Variants in WNT8B observed in about 807,000 individuals in gnomAD.
WNT8B encodes Wnt family member 8B, also known as protein Wnt-8b.
Under a neutral mutation model 36.6 loss-of-function variants are expected in WNT8B, and 24 were observed. The observed-to-expected ratio is 0.66, with a 90% confidence interval of 0.48 to 0.92. The LOEUF (loss-of-function observed/expected upper bound fraction) is 0.92. WNT8B is among the 40% of genes least tolerant of loss of function. WNT8B has a pLI of 0.00. For missense variants in WNT8B, 402 were observed against 470.8 expected (o/e 0.85, Z 1.35); for synonymous variants, 199 against 189.8 (o/e 1.05, Z -0.40).
intron 1 of WNT8B, among the ~76,000 whole-genome samples, chr10:100,477,784 G>GTTTTTTTTTTGT (rs1851057530): frequency 7.0e-6 from 1 of 143,126 alleles, no homozygotes; most frequent in African/African-American, 2.6e-5. Flanking sequence ...GTTTTTTTTT[G>GTTTTTTTTTTGT]TTTTTTTTTT....
chr10:100,481,730 G>A (rs1851114584), intron 4 of WNT8B, among the ~76,000 whole-genome samples, 182 bp from the exon 5 acceptor site: 1 of 152,192 alleles, frequency 6.6e-6, no homozygotes, highest in African/African-American at 2.4e-5. Context: ...GAACCTGGAA[G>A]TGGGCGTGTA....
intron 1 of WNT8B, among the ~76,000 whole-genome samples, chr10:100,467,947 G>C (rs1410769227): frequency 6.6e-6 from 1 of 152,184 alleles, no homozygotes; most frequent in Non-Finnish European, 1.5e-5. Flanking sequence ...AGGAAGAAGA[G>C]GGATAGCAAA....
intron 1 of WNT8B, among the ~76,000 whole-genome samples, chr10:100,477,787 T>G (rs1316490332): frequency 6.6e-6 from 1 of 151,888 alleles, no homozygotes; most frequent in African/African-American, 2.4e-5. Flanking sequence ...TTTTTTTGTT[T>G]TTTTTTTGGG....
chr10:100,477,940 C>CTGTTTTTT (rs1169521181), intron 1 of WNT8B, among the ~76,000 whole-genome samples: 3 of 145,164 alleles, frequency 2.1e-5, no homozygotes, highest in African/African-American at 8.2e-5. Flanking sequence ...CCATGCCTAG[C>CTGTTTTTT]TATTTTTTTT....
At chr10:100,463,679 T>G (rs1432441349) in intron 1 of WNT8B, among the ~76,000 whole-genome samples, 1 of 152,144 alleles carries the variant, frequency 6.6e-6, no homozygotes, top group East Asian at 1.9e-4. Context: ...TTTCAGGATA[T>G]TCTAAGTAAT....
Position 100,479,994 on chromosome 10 carries a change from C to T in WNT8B, c.223C>T (p.His75Tyr). ...CPERALQLSS[H>Y]GGLRSANRET... ...TGAGAGAGCCCTGCAGCTGTCCAGC[C>T]ATGGTGGGCTTCGCAGTGGTAAGAA... Residue 75 changes from histidine (H) to tyrosine (Y), a missense_variant, in exon 3 of 6, where the codon CAT becomes TAT. Physicochemically the swap from His to Tyr is moderately conservative, Grantham distance 83. Around this residue, in one of 3 missense-constraint regions of WNT8B, gnomAD observed 131 missense variants for 152.6 expected, o/e 0.86. Coordinates refer to ENST00000343737, the MANE Select transcript of WNT8B (RefSeq NM_003393.4). 6.2e-7 allele frequency: 1 copy of T among 1,613,632 alleles called. No homozygotes were observed. The highest frequency in any genetic ancestry group is 8.5e-7 in the Non-Finnish European group (1 of 1,179,850).
chr10:100,479,113 G>T, intron 2 of WNT8B, 28 bp downstream of exon 2: 1 of 1,579,354 alleles, frequency 6.3e-7, no homozygotes, highest in Non-Finnish European at 8.6e-7. Flanking sequence ...TAATTGATAT[G>T]GATTTCACTA....
At chr10:100,471,917 G>A (rs1334346394) in intron 1 of WNT8B, among the ~76,000 whole-genome samples, 1 of 151,814 alleles carries the variant, frequency 6.6e-6, no homozygotes, top group Non-Finnish European at 1.5e-5. Context: ...AAAATATGCC[G>A]GGCGCGGTGG....
intron 1 of WNT8B, among the ~76,000 whole-genome samples, chr10:100,477,332 G>C (rs559506183): frequency 6.6e-6 from 1 of 151,178 alleles, no homozygotes; most frequent in East Asian, 1.9e-4. Flanking sequence ...TTGGAGTCTC[G>C]GTCTGTTACC....
chr10:100,481,617 G>A (rs1345063083), intron 4 of WNT8B, among the ~76,000 whole-genome samples: 1 of 152,186 alleles, frequency 6.6e-6, no homozygotes, highest in Admixed American at 6.5e-5. Context: ...TGCACCCTCT[G>A]CCCATGCGAA....
chr10:100,482,824 C>T lies in WNT8B; in HGVS notation c.*8C>T, dbSNP rs1323394100. The T allele has an allele frequency of 2.0e-6, 3 of 1,508,940 alleles. No homozygotes were observed. Among genetic ancestry groups the T allele is most frequent in the African/African-American group, 2.8e-5 (2 of 71,632 alleles). The allele number at this position is 1,508,940 out of a possible 1,614,324, so 93.5% of individuals were successfully genotyped here. ...CCCGGGAGAAAACCCTAAGGGTTTCCTCTGCCCCCTCCTTTTCCCACTGGT... is the reference window on the plus strand; with the variant it reads ...CCCGGGAGAAAACCCTAAGGGTTTCTTCTGCCCCCTCCTTTTCCCACTGGT... On this transcript the variant is annotated 3_prime_UTR_variant, in exon 6 of 6. Coordinates refer to ENST00000343737, the MANE Select transcript of WNT8B (RefSeq NM_003393.4). This position sits in a 1 kb window ranked among gnomAD's most constrained non-coding sequence, Gnocchi z 6.6.
Position 100,482,493 on chromosome 10 carries a change from G to T in WNT8B, c.733G>T (p.Glu245Ter). 6.2e-7 allele frequency: 1 copy of T among 1,602,336 alleles called. No homozygotes were observed. Residue 245 changes from glutamate to a stop codon, truncating the protein, a stop_gained, in exon 6 of 6, where the codon GAG (glutamate) becomes TAG (stop). Coordinates refer to ENST00000343737, the MANE Select transcript of WNT8B (RefSeq NM_003393.4). LOFTEE classifies it high-confidence loss of function. This position sits in a 1 kb window ranked among gnomAD's most constrained non-coding sequence, Gnocchi z 6.6. ...ADTFRSISTR[E>*]LVHLEDSPDY... is the part of the protein sequence containing the mutation. ...CACCTTTCGCTCCATCTCTACCCGGGAGCTGGTGCACCTGGAGGACTCCCC... is the reference window on the plus strand; with the variant it reads ...CACCTTTCGCTCCATCTCTACCCGGTAGCTGGTGCACCTGGAGGACTCCCC...
rs750454427 is a variant in WNT8B, at chr10:100,482,730, T to C, written c.970T>C (p.Cys324Arg). 6.2e-7 allele frequency: 1 copy of C among 1,606,862 alleles called. No individual in the cohort carries two copies. The highest frequency in any genetic ancestry group is 2.2e-5 in the East Asian group (1 of 44,712). Residue 324 changes from cysteine (C) to arginine (R), a missense_variant, in exon 6 of 6, where the codon TGC becomes CGC. By Grantham distance (180) the Cys-to-Arg change is radical. This residue lies in a region of WNT8B where 256 missense variants were observed against 278.6 expected (regional missense o/e 0.92). Transcript: ENST00000343737. This position sits in a 1 kb window ranked among gnomAD's most constrained non-coding sequence, Gnocchi z 6.6. ...HWCCAVRCEQ[C>R]RRRVTKYFCS... is the part of the protein sequence containing the mutation. ...GTGCTGCGCAGTCCGCTGCGAGCAG[T>C]GCCGCCGGAGGGTCACCAAGTACTT...
intron 1 of WNT8B, among the ~76,000 whole-genome samples, chr10:100,471,883 T>C (rs1002475571): frequency 8.5e-5 from 13 of 152,080 alleles, no homozygotes; most frequent in Non-Finnish European, 1.3e-4. Flanking sequence ...AACGAGACCC[T>C]GTCTCTACAA....
chr10:100,472,260 G>A (rs185432012), intron 1 of WNT8B, among the ~76,000 whole-genome samples: 1,516 of 151,474 alleles, frequency 0.01, 26 homozygotes, highest in African/African-American at 0.034. Flanking sequence ...ACAGGCACCC[G>A]CCACCACACC....
intron 1 of WNT8B, among the ~76,000 whole-genome samples, chr10:100,474,608 A>C (rs1257133911): frequency 6.6e-6 from 1 of 152,054 alleles, no homozygotes; most frequent in Non-Finnish European, 1.5e-5. Flanking sequence ...TCTGTCGCCC[A>C]GGCTGGAGTG....
At chr10:100,467,390 A>G (rs1850918514) in intron 1 of WNT8B, among the ~76,000 whole-genome samples, 1 of 152,164 alleles carries the variant, frequency 6.6e-6, no homozygotes, top group African/African-American at 2.4e-5. Context: ...GCTATATTCC[A>G]GTAGTCCCAA....
intron 1 of WNT8B, among the ~76,000 whole-genome samples, chr10:100,475,241 CAAAA>C (rs1851024821): frequency 6.6e-6 from 1 of 151,948 alleles, no homozygotes; most frequent in African/African-American, 2.4e-5. Flanking sequence ...GACTCCGTCT[CAAAA>C]AACAAACAAA....
intron 4 of WNT8B, among the ~76,000 whole-genome samples, chr10:100,481,435 T>G (rs1200912955): frequency 2.0e-5 from 3 of 152,216 alleles, no homozygotes; most frequent in Non-Finnish European, 4.4e-5. Context: ...CCGTCTACTT[T>G]CCACTCTTTA....
Sources: allele counts gnomAD v4.1 joint callset (sites outside exome capture counted in the v4.1 genomes callset), GRCh38; gene constraint gnomAD v4.1.1; regional missense constraint gnomAD v4.1.1; non-coding constraint Gnocchi (gnomAD v3.1); transcripts MANE v1.5; gene names NCBI Gene and HGNC (gene_info 2026-07-23, HGNC 2026-07-21).